The following PFKFB3 variants were observed in gnomAD, a reference collection of about 807,000 sequenced individuals.
The protein encoded by PFKFB3 is 6-phosphofructo-2-kinase/fructose-2,6-biphosphatase 3.
Under a neutral mutation model 68.0 loss-of-function variants are expected in PFKFB3, and 33 were observed. That is an observed-to-expected ratio of 0.49 (90% CI 0.37 to 0.65). The LOEUF is 0.65. Among genes scored for constraint, PFKFB3 ranks in the 30% least tolerant of loss-of-function variants. The pLI, the probability that PFKFB3 is intolerant of heterozygous loss-of-function variation, is 0.00. For missense variants in PFKFB3, 586 were observed against 712.2 expected (o/e 0.82, Z 2.02); for synonymous variants, 315 against 288.2 (o/e 1.09, Z -0.94).
chr10:6,146,193 CCCTT>C, intron 1 of PFKFB3: 1 of 1,410,804 alleles, frequency 7.1e-7, no homozygotes, highest in East Asian at 2.6e-5. Context: ...TGCCGTCTCT[CCCTT>C]CCCGCACCCA....
At chr10:6,152,575 G>A (rs1841627478) in intron 1 of PFKFB3, among the ~76,000 whole-genome samples, 1 of 152,170 alleles carries the variant, frequency 6.6e-6, no homozygotes, top group Admixed American at 6.5e-5. Context: ...AGGAAATTCA[G>A]TAGAAAAGCG....
rs768626126 is a variant in PFKFB3 at position 6,229,119 on chromosome 10, G to C, written c.1515+2754G>C. 1.9e-6 allele frequency: 1 copy of C among 526,354 alleles called. No homozygotes were observed. Among genetic ancestry groups the C allele is most frequent in the African/African-American group, 2.0e-5 (1 of 49,868 alleles). 32.6% of individuals were successfully genotyped at this position (526,354 alleles called of 1,614,324 possible). A position where few individuals can be genotyped will look rare whatever the true frequency, so the allele number is the denominator to read the frequency against. On this transcript the variant is annotated intron_variant, in intron 14 of 14. Transcript: ENST00000379775. This position sits in a 1 kb window ranked among gnomAD's most constrained non-coding sequence, Gnocchi z 4.3. ...AACTACTTTATGCAGAAACTGGAAA[G>C]GTGTGATGAGGAATGCAGCCTGAGA...
chr10:6,298,083 C>T, the PFKFB3 span, among the ~76,000 whole-genome samples: 1 of 152,154 alleles, frequency 6.6e-6, no homozygotes, highest in Middle Eastern at 3.2e-3. Context: ...AGGAAGGAGA[C>T]TTCTTGGCTA....
intron 6 of PFKFB3, among the ~76,000 whole-genome samples, chr10:6,219,201 G>A (rs1181686648): frequency 2.6e-5 from 4 of 152,244 alleles, no homozygotes; most frequent in Non-Finnish European, 5.9e-5. Flanking sequence ...CTCCCGGCAC[G>A]GGGAGCATTG....
the PFKFB3 span, among the ~76,000 whole-genome samples, chr10:6,274,808 G>C: frequency 1.2e-3 from 181 of 151,008 alleles, no homozygotes; most frequent in African/African-American, 4.2e-3. Context: ...TGCACTCCAG[G>C]TTGGGTGACA....
downstream of PFKFB3, among the ~76,000 whole-genome samples, chr10:6,257,702 C>T (rs1023329030): frequency 9.2e-5 from 14 of 152,150 alleles, no homozygotes; most frequent in African/African-American, 3.4e-4. Flanking sequence ...CCCAGACACA[C>T]CCTGCGATGA....
At chr10:6,219,819 T>G in intron 7 of PFKFB3, 126 bp downstream of exon 7, 2 of 915,808 alleles carry the variant, frequency 2.2e-6, no homozygotes, top group South Asian at 3.3e-5. Context: ...GTTTTTTTTG[T>G]AGAGATGAGG....
In PFKFB3 at chr10:6,242,408, T is replaced by C. The variant is rs142097009; in HGVS notation, c.1516-11770T>C. 6.8e-3 allele frequency among the ~76,000 whole-genome samples: 1,031 copies of C among 152,222 alleles called. 9 individuals carry two copies. Among genetic ancestry groups the C allele is most frequent in the Middle Eastern group, 0.044 (13 of 294 alleles). On this transcript the variant is annotated intron_variant, in intron 14 of 14. Transcript: ENST00000640683. ...CTGCCCAGGACGGGCCTGGCCAGGG[T>C]ACACCATCACCCCTATGTACAGAAG...
chr10:6,265,559 G>C, the PFKFB3 span, among the ~76,000 whole-genome samples: 1 of 151,986 alleles, frequency 6.6e-6, no homozygotes, highest in Admixed American at 6.6e-5. Context: ...GTGTCTCTTG[G>C]GGTATCACCT....
At chr10:6,297,512 T>A in the PFKFB3 span, among the ~76,000 whole-genome samples, 2 of 152,066 alleles carry the variant, frequency 1.3e-5, no homozygotes, top group East Asian at 3.8e-4. Context: ...CCTTCTTTTT[T>A]TTTTTGTAGG....
intron 6 of PFKFB3, 85 bp from the exon 7 acceptor site, chr10:6,219,484 C>T (rs1248636693): frequency 4.8e-6 from 7 of 1,463,692 alleles, no homozygotes; most frequent in East Asian, 2.3e-5. Flanking sequence ...CTGTGCGCTC[C>T]CCTTTTGAAA....
chr10:6,317,287 C>A, the PFKFB3 span, among the ~76,000 whole-genome samples: 1 of 152,184 alleles, frequency 6.6e-6, no homozygotes, highest in Non-Finnish European at 1.5e-5. Flanking sequence ...CCCTGGGTGG[C>A]AGGCATTCTC....
the PFKFB3 span, among the ~76,000 whole-genome samples, chr10:6,281,572 C>A: frequency 1.3e-5 from 2 of 152,046 alleles, no homozygotes; most frequent in African/African-American, 2.4e-5. Flanking sequence ...CTTCTCTTAA[C>A]TGATACATTC....
chr10:6,180,479 G>GT (rs955231587), intron 1 of PFKFB3, among the ~76,000 whole-genome samples: 82 of 152,116 alleles, frequency 5.4e-4, no homozygotes, highest in Admixed American at 7.9e-4. Context: ...GTTTTGTTTT[G>GT]TTTTTTGACA....
the PFKFB3 span, among the ~76,000 whole-genome samples, chr10:6,278,981 A>G: frequency 6.6e-6 from 1 of 152,224 alleles, no homozygotes; most frequent in Admixed American, 6.5e-5. Flanking sequence ...CTGCTGTTAT[A>G]GGGCTGCGGC....
At chr10:6,197,374 C>T (rs1193796249) in intron 1 of PFKFB3, among the ~76,000 whole-genome samples, 1 of 152,090 alleles carries the variant, frequency 6.6e-6, no homozygotes, top group Non-Finnish European at 1.5e-5. Flanking sequence ...CAGGTTTGTA[C>T]CCTAGGAGCA....
chr10:6,213,347 C>G lies in PFKFB3; in HGVS notation c.77-276C>G, dbSNP rs530568086. On this transcript the variant is annotated intron_variant, in intron 1 of 14. Transcript: ENST00000379775. The stretch of plus-strand genomic sequence containing the variant: ...CCAGCCTGGGCAACACAGCGAGACC[C>G]CATCTCTACAAAGATAAAAAATTAG... Among the ~76,000 whole-genome samples, 11 of 152,238 alleles carry G rather than the reference C, an allele frequency of 7.2e-5. No homozygotes were observed. The South Asian group carries it at 2.3e-3, about 32-fold the overall frequency.
At chr10:6,252,900 A>G (rs1481164784) in intron 14 of PFKFB3, among the ~76,000 whole-genome samples, 3 of 152,088 alleles carry the variant, frequency 2.0e-5, no homozygotes, top group Non-Finnish European at 4.4e-5. Context: ...TTACTCCATA[A>G]ACTTTTATAT....
intron 1 of PFKFB3, among the ~76,000 whole-genome samples, chr10:6,167,788 C>T (rs1336429340): frequency 6.6e-6 from 1 of 152,182 alleles, no homozygotes; most frequent in Non-Finnish European, 1.5e-5. Flanking sequence ...CTAGATTATT[C>T]ATCCTAAACC....
Sources: allele counts gnomAD v4.1 joint callset (sites outside exome capture counted in the v4.1 genomes callset), GRCh38; gene constraint gnomAD v4.1.1; non-coding constraint Gnocchi (gnomAD v3.1); transcripts MANE v1.5; gene names NCBI Gene and HGNC (gene_info 2026-07-23, HGNC 2026-07-21).